Variants in LHFPL1 observed in about 807,000 individuals in gnomAD.
LHFPL1 encodes LHFPL tetraspan subfamily member 1, also known as LHFPL tetraspan subfamily member 1 protein.
Under a neutral mutation model 12.1 loss-of-function variants are expected in LHFPL1, and 4 were observed. The observed-to-expected ratio is 0.33, with a 90% CI of 0.16 to 0.76. The LOEUF is 0.76. LHFPL1 is among the 30% of genes least tolerant of loss of function. The pLI is 0.61. For synonymous variants in LHFPL1, 52 were observed against 61.9 expected (o/e 0.84, Z 0.75); for missense variants, 141 against 174.1 (o/e 0.81, Z 1.07).
At chrX:112,651,947 C>T (rs999876626) in intron 3 of LHFPL1, among the ~76,000 whole-genome samples, 8 of 112,882 alleles carry the variant, frequency 7.1e-5, no homozygotes, top group African/African-American at 1.3e-4. Flanking sequence ...TCATCTATTA[C>T]TCTTCCCATT....
chrX:112,656,219 A>G (rs1487402925), intron 3 of LHFPL1, among the ~76,000 whole-genome samples: 3 of 111,810 alleles, frequency 2.7e-5, no homozygotes, highest in Non-Finnish European at 5.6e-5. Flanking sequence ...TATGAAAATC[A>G]ATCAATGAAA....
In LHFPL1 at chrX:112,630,951, GAA is replaced by G; in HGVS notation, c.*467_*468del. The G allele has an allele frequency of 9.0e-6, 1 of 111,627 alleles. No individual in the cohort carries two copies. The highest frequency in any genetic ancestry group is 2.8e-4 in the East Asian group (1 of 3,528). 9.2% of individuals were successfully genotyped at this position (111,627 alleles called of 1,213,427 possible). On this transcript the variant is annotated 3_prime_UTR_variant, in exon 4 of 4. Coordinates refer to ENST00000371968, the MANE Select transcript of LHFPL1 (RefSeq NM_178175.4). ...CCACAAGGTGCGGGGGGAAGCAGGAGAAAAAAAGGAAGAGCCAAGGTATACTC... is the reference window on the plus strand; with the variant it reads ...CCACAAGGTGCGGGGGGAAGCAGGAGAAAAAGGAAGAGCCAAGGTATACTC...
In LHFPL1 at chrX:112,671,157, G is replaced by T; in HGVS notation, c.234C>A (p.Ser78Arg). Residue 78 changes from serine (S) to arginine (R), a missense_variant, in exon 2 of 4, where the codon AGC becomes AGA. Coordinates refer to ENST00000371968, the MANE Select transcript of LHFPL1 (RefSeq NM_178175.4). ...CCACTGTGCACATCTGCCAGGCCAG[G>T]CTTGGGATGGCATTGAAGCTGGCAT... is the stretch of plus-strand genomic sequence containing the variant. ...GRYASFNAIP[S>R]LAWQMCTVVT... The T allele has an allele frequency of 8.2e-7, 1 of 1,212,158 alleles. No individual in the cohort carries two copies.
chrX:112,648,097 T>C (rs769854603), intron 3 of LHFPL1, among the ~76,000 whole-genome samples: 2 of 104,594 alleles, frequency 1.9e-5, no homozygotes, highest in South Asian at 9.1e-4. Context: ...CACTGCATGA[T>C]CTCACTCATA....
At chrX:112,665,097 C>G (rs931542737) in intron 2 of LHFPL1, among the ~76,000 whole-genome samples, 23 of 111,765 alleles carry the variant, frequency 2.1e-4, no homozygotes, top group Non-Finnish European at 4.0e-4. Flanking sequence ...AGCTGCAGCC[C>G]TGGCTCTCAC....
chrX:112,670,149 T>C (rs780723941), intron 2 of LHFPL1, among the ~76,000 whole-genome samples: 24 of 112,548 alleles, frequency 2.1e-4, no homozygotes, highest in Non-Finnish European at 3.4e-4. Context: ...TAAAACTCTG[T>C]AACAACAAAC....
chrX:112,666,871 A>G (rs950546311), intron 2 of LHFPL1, among the ~76,000 whole-genome samples: 1 of 111,288 alleles, frequency 9.0e-6, no homozygotes. Context: ...TCTTTTCCAA[A>G]AGAGAAAAGA....
chrX:112,633,749 T>C (rs1040129266), intron 3 of LHFPL1, among the ~76,000 whole-genome samples: 7 of 111,840 alleles, frequency 6.3e-5, no homozygotes, highest in African/African-American at 1.3e-4. Flanking sequence ...GAAAGCCCAA[T>C]TACAGCAGCT....
intron 1 of LHFPL1, among the ~76,000 whole-genome samples, chrX:112,674,261 C>T (rs965392120): frequency 2.7e-5 from 3 of 111,383 alleles, no homozygotes; most frequent in Non-Finnish European, 5.7e-5. Context: ...GAAACTGGAT[C>T]CTTATCTCTC....
chrX:112,658,733 G>C (rs1052133694), intron 3 of LHFPL1, among the ~76,000 whole-genome samples: 2 of 111,402 alleles, frequency 1.8e-5, no homozygotes, highest in Non-Finnish European at 3.8e-5. Context: ...TCCTCAAAAG[G>C]TTTAAACATA....
At chrX:112,663,400 GCA>G (rs1235603034) in intron 2 of LHFPL1, among the ~76,000 whole-genome samples, 1 of 111,398 alleles carries the variant, frequency 9.0e-6, no homozygotes, top group African/African-American at 3.3e-5. Context: ...TTCAGAGTAT[GCA>G]CAGTCTATAT....
intron 3 of LHFPL1, among the ~76,000 whole-genome samples, chrX:112,652,047 A>G (rs1227220211): frequency 8.9e-6 from 1 of 112,594 alleles, no homozygotes; most frequent in African/African-American, 3.2e-5. Flanking sequence ...ATAGCATTCT[A>G]CTTCTTTGTG....
chrX:112,661,389 G>A (rs1198936393), intron 2 of LHFPL1, among the ~76,000 whole-genome samples: 1 of 111,727 alleles, frequency 9.0e-6, no homozygotes, highest in Non-Finnish European at 1.9e-5. Context: ...TCCAACCAGA[G>A]ATACAAATCT....
rs140752976 is a variant in LHFPL1 at position 112,631,475 on chromosome X, A to T, written c.608T>A (p.Ile203Asn). The T allele has an allele frequency of 8.3e-7, 1 of 1,208,184 alleles. No individual in the cohort carries two copies. Among genetic ancestry groups the T allele is most frequent in the African/African-American group, 1.8e-5 (1 of 56,819 alleles). Residue 203 changes from isoleucine (I) to asparagine (N), a missense_variant, in exon 4 of 4, where the codon ATC becomes AAC. Ile to Asn is a moderately radical substitution (Grantham distance 149). Coordinates refer to ENST00000371968, the MANE Select transcript of LHFPL1 (RefSeq NM_178175.4). ...NPKPVILVESIMRNTNSYAME... is the reference protein window; with the variant it reads ...NPKPVILVESNMRNTNSYAME... ...AGCATAAGAATTGGTATTCCTCATG[A>T]TGCTCTCCACCAATATGACAGGCTT...
intron 3 of LHFPL1, among the ~76,000 whole-genome samples, chrX:112,651,842 T>G (rs766697508): frequency 8.9e-6 from 1 of 111,875 alleles, no homozygotes; most frequent in East Asian, 2.8e-4. Flanking sequence ...TCATATCTTA[T>G]CTCTTTTCTT....
At chrX:112,639,825 T>C (rs1930450517) in intron 3 of LHFPL1, among the ~76,000 whole-genome samples, 1 of 112,476 alleles carries the variant, frequency 8.9e-6, no homozygotes, top group Non-Finnish European at 1.9e-5. Context: ...AAAACACTTC[T>C]GGGTCACCCC....
intron 3 of LHFPL1, among the ~76,000 whole-genome samples, chrX:112,647,282 A>T (rs1008354435): frequency 8.9e-6 from 1 of 112,185 alleles, no homozygotes; most frequent in African/African-American, 3.2e-5. Flanking sequence ...CTTCATGACT[A>T]AAATATCAAA....
rs111507878 is a variant in LHFPL1, at chrX:112,636,910, C to T, written c.482-5309G>A. The stretch of plus-strand genomic sequence containing the variant: ...TAAAAGTCTGTGTCCTTAGAAGATA[C>T]TGCAGGGAGATGACATCACACCTAG... On this transcript the variant is annotated intron_variant, in intron 3 of 3. Transcript: ENST00000371968. 4.1e-3 allele frequency among the ~76,000 whole-genome samples: 462 copies of T among 111,916 alleles called. 2 individuals are homozygous for T. Among genetic ancestry groups the T allele is most frequent in the Middle Eastern group, 0.014 (3 of 217 alleles).
chrX:112,672,715 G>A (rs1466683190), intron 1 of LHFPL1, among the ~76,000 whole-genome samples: 1 of 110,760 alleles, frequency 9.0e-6, no homozygotes, highest in African/African-American at 3.3e-5. Context: ...AGCAGCAGAG[G>A]CACTAAGTGT....
Sources: gnomAD v4.1 joint callset for allele counts (sites outside exome capture counted in the v4.1 genomes callset) on GRCh38, gnomAD v4.1.1 for gene constraint, MANE v1.5 for transcripts, NCBI Gene and HGNC (gene_info 2026-07-23, HGNC 2026-07-21) for gene names.